Variants in TMOD1 observed in about 807,000 individuals in gnomAD.
The protein encoded by TMOD1 is tropomodulin-1.
Under a neutral mutation model 40.6 loss-of-function variants are expected in TMOD1, and 17 were observed. The observed-to-expected ratio is 0.42, with a 90% CI of 0.29 to 0.63. The LOEUF (loss-of-function observed/expected upper bound fraction) is 0.63, where lower values mean the gene tolerates loss of function less well. Ranked by LOEUF, TMOD1 falls within the 20% of genes least tolerant of loss-of-function variation. TMOD1 has a pLI of 0.22. For missense variants in TMOD1, 391 were observed against 447.6 expected (o/e 0.87, Z 1.14); for synonymous variants, 181 against 175.0 (o/e 1.03, Z -0.27).
chr9:97,600,978 G>A lies in TMOD1; in HGVS notation c.*1280G>A. The A allele has an allele frequency of 1.7e-6, 2 of 1,194,672 alleles. No individual in the cohort carries two copies. The highest frequency in any genetic ancestry group is 2.1e-6 in the Non-Finnish European group (2 of 932,748). The allele number at this position is 1,194,672 out of a possible 1,614,324, so 74.0% of individuals were successfully genotyped here. ...CAGCAAATCTCATGATAAAGGACAA[G>A]GTCAAGAACTCCAGAGCACTGAGCA... is the stretch of plus-strand genomic sequence containing the variant. On this transcript the variant is annotated 3_prime_UTR_variant, in exon 10 of 10. Transcript: ENST00000259365.
chr9:97,577,445 G>A (rs776429029), intron 8 of TMOD1, among the ~76,000 whole-genome samples: 6 of 152,156 alleles, frequency 3.9e-5, no homozygotes, highest in Non-Finnish European at 5.9e-5. Flanking sequence ...GCTAGGATTT[G>A]GGAAAAATTT....
chr9:97,578,066 C>CT (rs1282775159), intron 8 of TMOD1, among the ~76,000 whole-genome samples: 1 of 151,824 alleles, frequency 6.6e-6, no homozygotes, highest in Non-Finnish European at 1.5e-5. Context: ...TTTGACATCT[C>CT]TTTTTTTGGA....
intron 3 of TMOD1, among the ~76,000 whole-genome samples, chr9:97,551,028 T>A (rs1202592588): frequency 0.13 from 4,344 of 32,306 alleles, 71 homozygotes; most frequent in Middle Eastern, 0.29. Flanking sequence ...TTTTTTTTTT[T>A]TTTTTTTTTT....
chr9:97,515,667 G>A lies in TMOD1; in HGVS notation c.-48-8474G>A, dbSNP rs76849000. Among the ~76,000 whole-genome samples the A allele has an allele frequency of 5.8e-3, 890 of 152,248 alleles. 14 individuals carry two copies. Among genetic ancestry groups the A allele is most frequent in the African/African-American group, 0.021 (855 of 41,560 alleles). On this transcript the variant is annotated intron_variant, in intron 1 of 9. Coordinates refer to ENST00000259365, the MANE Select transcript of TMOD1 (RefSeq NM_003275.4). ...CTTTGCACTGAACCCAGCAAATTAC[G>A]TAGCCAGTCCTGCCTGGGTGCATCT...
At chr9:97,556,632 G>C (rs1830541067) in intron 4 of TMOD1, among the ~76,000 whole-genome samples, 1 of 152,134 alleles carries the variant, frequency 6.6e-6, no homozygotes, top group Admixed American at 6.5e-5. Flanking sequence ...CTAGGCTCTG[G>C]CAAAAGAATG....
At chr9:97,581,780 A>G (rs374777477) in intron 8 of TMOD1, among the ~76,000 whole-genome samples, 8 of 151,916 alleles carry the variant, frequency 5.3e-5, no homozygotes, top group South Asian at 2.1e-4. Context: ...TTTTTTGGCT[A>G]CATAAATGTC....
intron 8 of TMOD1, among the ~76,000 whole-genome samples, chr9:97,572,685 T>A (rs776048445): frequency 4.6e-5 from 7 of 152,132 alleles, no homozygotes; most frequent in Non-Finnish European, 8.8e-5. Flanking sequence ...GTCACCGAGG[T>A]CCTTGGAGAC....
In TMOD1 at chr9:97,548,798, G is replaced by A. The variant is rs116095723; in HGVS notation, c.277+2457G>A. 6.1e-4 allele frequency among the ~76,000 whole-genome samples: 93 copies of A among 152,210 alleles called. 1 individual carries two copies. Among genetic ancestry groups the A allele is most frequent in the African/African-American group, 2.0e-3 (84 of 41,518 alleles). On this transcript the variant is annotated intron_variant, in intron 3 of 9. Coordinates refer to ENST00000259365, the MANE Select transcript of TMOD1 (RefSeq NM_003275.4). ...CAAGCCCAAAAGGTTCATCATCATCGTCATCATCATCATCATCTTGGAGTA... is the reference window on the plus strand; with the variant it reads ...CAAGCCCAAAAGGTTCATCATCATCATCATCATCATCATCATCTTGGAGTA...
At chr9:97,577,401 C>T (rs1408089788) in intron 8 of TMOD1, among the ~76,000 whole-genome samples, 1 of 152,204 alleles carries the variant, frequency 6.6e-6, no homozygotes, top group East Asian at 1.9e-4. Context: ...AGCTCGCTGC[C>T]TGTATTCAAA....
chr9:97,537,426 A>G (rs1830201966), intron 2 of TMOD1, among the ~76,000 whole-genome samples: 1 of 152,232 alleles, frequency 6.6e-6, no homozygotes, highest in Admixed American at 6.5e-5. Flanking sequence ...ACGTAGCCCT[A>G]TCTATAGCAA....
At chr9:97,595,955 T>G (rs1826101916) in intron 9 of TMOD1, among the ~76,000 whole-genome samples, 1 of 151,902 alleles carries the variant, frequency 6.6e-6, no homozygotes, top group Non-Finnish European at 1.5e-5. Flanking sequence ...GCACCTGTAA[T>G]CCCAGCTCCT....
At chr9:97,588,899 C>T (rs1397737527) in intron 8 of TMOD1, among the ~76,000 whole-genome samples, 1 of 152,014 alleles carries the variant, frequency 6.6e-6, no homozygotes, top group Admixed American at 6.5e-5. Context: ...GGTGGATCAC[C>T]TGAGTTCAGG....
In TMOD1 at chr9:97,584,673, A is replaced by G. The variant is rs576872421; in HGVS notation, c.871-6618A>G. ...AGGTCACTCAGGACTTGCTTTATGA[A>G]TCTGGGTGCTCCTGTATTGGGTGCA... On this transcript the variant is annotated intron_variant, in intron 8 of 9. Transcript: ENST00000259365. Among the ~76,000 whole-genome samples the G allele has an allele frequency of 3.7e-3, 569 of 152,210 alleles. 3 individuals carry two copies. Among genetic ancestry groups the G allele is most frequent in the Non-Finnish European group, 6.1e-3 (414 of 68,000 alleles).
At chr9:97,551,723 A>G (rs1830457432) in intron 3 of TMOD1, among the ~76,000 whole-genome samples, 1 of 152,200 alleles carries the variant, frequency 6.6e-6, no homozygotes, top group Admixed American at 6.5e-5. Flanking sequence ...TTCTGGGAAA[A>G]GGACTGTTGG....
rs1435802631 is a variant in TMOD1 at position 97,600,106 on chromosome 9, T to A, written c.*408T>A. On this transcript the variant is annotated 3_prime_UTR_variant, in exon 10 of 10. Coordinates refer to ENST00000259365, the MANE Select transcript of TMOD1 (RefSeq NM_003275.4). ...GCTTTTGAAGTATTATAAAACACTT[T>A]ATTACAAATTTGTCTTAGCTATTAG... The A allele has an allele frequency of 9.9e-6, 10 of 1,007,342 alleles. No homozygotes were observed. In the South Asian group the frequency reaches 3.8e-4, roughly 38 times the overall value. 62.4% of individuals were successfully genotyped at this position (1,007,342 alleles called of 1,614,324 possible).
At position 97,513,985 on chromosome 9, in the gene TMOD1, T is replaced by G. The variant is rs1829755912; in HGVS notation, c.-48-10156T>G. The G allele has an allele frequency of 6.6e-6, 1 of 152,288 alleles. No homozygotes were observed. The highest frequency in any genetic ancestry group is 6.5e-5 in the Admixed American group (1 of 15,288). 9.4% of individuals were successfully genotyped at this position (152,288 alleles called of 1,614,324 possible). ...CCTGGGGCTAAGGCTGGAAACAGGT[T>G]GTACACCTGTGCAGGTGCACAGAGC... On this transcript the variant is annotated intron_variant, in intron 1 of 9. Coordinates refer to ENST00000259365, the MANE Select transcript of TMOD1 (RefSeq NM_003275.4). This position sits in a 1 kb window ranked among gnomAD's most constrained non-coding sequence, Gnocchi z 4.1.
intron 2 of TMOD1, among the ~76,000 whole-genome samples, chr9:97,527,356 G>C (rs1830032760): frequency 6.6e-6 from 1 of 152,242 alleles, no homozygotes; most frequent in African/African-American, 2.4e-5. Flanking sequence ...CTGGGACTCT[G>C]CCTTTCAGGA....
intron 1 of TMOD1, among the ~76,000 whole-genome samples, chr9:97,507,353 T>C (rs1829605993): frequency 6.6e-6 from 1 of 152,190 alleles, no homozygotes; most frequent in African/African-American, 2.4e-5. Context: ...AAATTCAGAA[T>C]GGATAGCAAC....
chr9:97,522,802 A>G (rs1829937645), intron 1 of TMOD1, among the ~76,000 whole-genome samples: 1 of 152,124 alleles, frequency 6.6e-6, no homozygotes, highest in African/African-American at 2.4e-5. Context: ...GGCTCAAGCA[A>G]TCCTCTCACC....
Sources: allele counts gnomAD v4.1 joint callset (sites outside exome capture counted in the v4.1 genomes callset), GRCh38; gene constraint gnomAD v4.1.1; non-coding constraint Gnocchi (gnomAD v3.1); transcripts MANE v1.5; gene names NCBI Gene and HGNC (gene_info 2026-07-23, HGNC 2026-07-21).